The following MTOR variants were observed in gnomAD, a reference collection of about 807,000 sequenced individuals.
MTOR encodes serine/threonine-protein kinase mTOR.
MTOR carries 70 observed loss-of-function variants against 319.8 expected under a neutral mutation model. That is an observed-to-expected ratio of 0.22 (90% CI 0.18 to 0.27). The LOEUF (loss-of-function observed/expected upper bound fraction) is 0.27, where lower values mean the gene tolerates loss of function less well. Ranked by LOEUF, MTOR falls within the 10% of genes least tolerant of loss-of-function variation. The pLI, the probability that MTOR is intolerant of heterozygous loss-of-function variation, is 1.00. For synonymous variants in MTOR, 1,183 were observed against 1,211.4 expected, an observed-to-expected ratio of 0.98 and a Z score of 0.49; for missense variants, 1,890 against 3,274.4, an observed-to-expected ratio of 0.58 and a Z score of 10.32.
chr1:11,195,806 A>G (rs1320985470), intron 28 of MTOR: 1 of 152,516 alleles, frequency 6.6e-6, no homozygotes, highest in African/African-American at 2.4e-5. Flanking sequence ...AAGCTCAAGG[A>G]GCTTCCTTTT....
chr1:11,158,296 C>T (rs1644377786), intron 29 of MTOR, among the ~76,000 whole-genome samples: 1 of 152,124 alleles, frequency 6.6e-6, no homozygotes. Context: ...CTCCCATTAC[C>T]CTCTTCCCCT....
At chr1:11,138,717 G>C (rs1018773702) in intron 36 of MTOR, among the ~76,000 whole-genome samples, 1 of 152,142 alleles carries the variant, frequency 6.6e-6, no homozygotes, top group Admixed American at 6.5e-5. Context: ...AGGGCCTACT[G>C]TTTATTAGTC....
chr1:11,110,732 C>T (rs1225631409), intron 54 of MTOR, among the ~76,000 whole-genome samples: 3 of 151,632 alleles, frequency 2.0e-5, no homozygotes, highest in Non-Finnish European at 4.4e-5. Flanking sequence ...ATTGGAAGTT[C>T]TTTTTTTTGA....
In MTOR at chr1:11,207,382, T is replaced by G. The variant is rs567037158; in HGVS notation, c.3801+1930A>C. 2.7e-5 allele frequency among the ~76,000 whole-genome samples: 4 copies of G among 150,412 alleles called. No homozygotes were observed. In the East Asian group the frequency reaches 7.9e-4, roughly 30 times the overall value. ...TCCCAAAGTGTTGGAATTACAGGCA[T>G]GAGCCACTGCACCTGGCCCCCTACC... On this transcript the variant is annotated intron_variant, in intron 25 of 57. Coordinates refer to ENST00000361445, the MANE Select transcript of MTOR (RefSeq NM_004958.4).
chr1:11,190,481 A>G (rs1645484071), intron 28 of MTOR, among the ~76,000 whole-genome samples: 1 of 152,166 alleles, frequency 6.6e-6, no homozygotes, highest in African/African-American at 2.4e-5. Flanking sequence ...AGAGACACAT[A>G]ACCATGTGAA....
Position 11,126,071 on chromosome 1 carries a change from GAGGCCTCAAAGTGCCACCACAGCACTC to G in MTOR, c.6526+524_6526+550del, listed in dbSNP as rs1272667097. Among the ~76,000 whole-genome samples, 6 of 135,278 alleles carry G rather than the reference GAGGCCTCAAAGTGCCACCACAGCACTC, an allele frequency of 4.4e-5. No homozygotes were observed. The South Asian group carries it at 1.4e-3, about 32-fold the overall frequency. 88.7% of individuals were successfully genotyped at this position (135,278 alleles called of 152,430 possible). A position where few individuals can be genotyped will look rare whatever the true frequency, so the allele number is the denominator to read the frequency against. ...AAAAAAAAAAAAAAAAAAAAAGCGA[GAGGCCTCAAAGTGCCACCACAGCACTC>G]AGGCCTCACTAAAACATCCCCCATA... On this transcript the variant is annotated intron_variant, in intron 46 of 57. Transcript: ENST00000361445.
intron 36 of MTOR, among the ~76,000 whole-genome samples, chr1:11,137,670 T>C (rs193009822): frequency 3.3e-5 from 5 of 152,264 alleles, no homozygotes; most frequent in African/African-American, 9.6e-5. Flanking sequence ...CTAGATTGCA[T>C]GGGTGGGTTT....
At position 11,170,928 on chromosome 1, in the gene MTOR, A is replaced by G. The variant is rs183677267; in HGVS notation, c.4254-3411T>C. Among the ~76,000 whole-genome samples the G allele has an allele frequency of 1.6e-3, 244 of 151,920 alleles. 5 individuals are homozygous for G. Among genetic ancestry groups the G allele is most frequent in the African/African-American group, 5.8e-3 (241 of 41,342 alleles). Reference sequence around the variant, plus strand: ...GTGTTCTTCACCTGAACCAGAAGAAACTAACTCTAAGAAACGACATAAAAA... The same window carrying G: ...GTGTTCTTCACCTGAACCAGAAGAAGCTAACTCTAAGAAACGACATAAAAA... On this transcript the variant is annotated intron_variant, in intron 28 of 57. Transcript: ENST00000361445.
chr1:11,194,702 C>G lies in MTOR; in HGVS notation c.4253+4556G>C, dbSNP rs373848807. ...CGGAAAGGAGAAGTTCAGGTACAAG[C>G]TCATAATCCCACTTGAGGAGAAAGA... On this transcript the variant is annotated intron_variant, in intron 28 of 57. Coordinates refer to ENST00000361445, the MANE Select transcript of MTOR (RefSeq NM_004958.4). The G allele has an allele frequency of 3.1e-6, 5 of 1,611,796 alleles. No individual in the cohort carries two copies. In the African/African-American group the frequency reaches 4.0e-5, roughly 13 times the overall value.
rs149816599 is a variant in MTOR at position 11,228,228 on chromosome 1, G to A, written c.3030+440C>T. Among the ~76,000 whole-genome samples, 135 of 151,768 alleles carry A rather than the reference G, an allele frequency of 8.9e-4. No homozygotes were observed. The East Asian group carries it at 0.02, about 23-fold the overall frequency. On this transcript the variant is annotated intron_variant, in intron 19 of 57. Transcript: ENST00000361445. ...TCTTGAGACAGAGTCTCACTCTGTCGTCCAAGCTGAAGCACGGTGGCTCGA... is the reference window on the plus strand; with the variant it reads ...TCTTGAGACAGAGTCTCACTCTGTCATCCAAGCTGAAGCACGGTGGCTCGA...
At chr1:11,147,563 T>A (rs905810002) in intron 31 of MTOR, among the ~76,000 whole-genome samples, 5 of 152,206 alleles carry the variant, frequency 3.3e-5, no homozygotes, top group Admixed American at 3.3e-4. Context: ...CTCCAGACCA[T>A]CGGCTCATCC....
At chr1:11,141,326 C>T (rs910109564) in intron 34 of MTOR, among the ~76,000 whole-genome samples, 18 of 151,776 alleles carry the variant, frequency 1.2e-4, no homozygotes, top group South Asian at 4.2e-4. Flanking sequence ...TTGCCAAGGC[C>T]GGTCTCAAAC....
intron 36 of MTOR, 26 bp from the exon 37 acceptor site, chr1:11,134,492 G>C: frequency 6.2e-7 from 1 of 1,608,250 alleles, no homozygotes. Context: ...GGCACAGAGA[G>C]CCACTTGGCT....
intron 28 of MTOR, among the ~76,000 whole-genome samples, chr1:11,194,210 A>G (rs1300195682): frequency 6.6e-6 from 1 of 152,198 alleles, no homozygotes; most frequent in Admixed American, 6.5e-5. Context: ...GCACCTTATA[A>G]GCAGGAAAGT....
chr1:11,260,915 G>A (rs1290243976), intron 1 of MTOR, among the ~76,000 whole-genome samples: 2 of 150,588 alleles, frequency 1.3e-5, no homozygotes, highest in East Asian at 2.0e-4. Flanking sequence ...TCAGCTTCCC[G>A]AGTAGCTGGG....
In MTOR at chr1:11,107,120, AG is replaced by A; in HGVS notation, c.*364del. ...AGTTTGCTGTACCCATGTTGAGAGG[AG>A]CAACTAGGTCATTCTTCCATCAGCA... On this transcript the variant is annotated 3_prime_UTR_variant, in exon 58 of 58. Coordinates refer to ENST00000361445, the MANE Select transcript of MTOR (RefSeq NM_004958.4). The A allele has an allele frequency of 2.2e-6, 3 of 1,377,224 alleles. No individual in the cohort carries two copies. The highest frequency in any genetic ancestry group is 2.9e-6 in the Non-Finnish European group (3 of 1,043,438). The allele number at this position is 1,377,224 out of a possible 1,614,324, so 85.3% of individuals were successfully genotyped here. A position where few individuals can be genotyped will look rare whatever the true frequency, so the allele number is the denominator to read the frequency against.
chr1:11,115,344 G>T lies in MTOR; in HGVS notation c.7089+52C>A. ...TCTGCCTACAGTGTCAGAGGAGGGG[G>T]AAAAGTGATCACCCGGGAAGATGAG... On this transcript the variant is annotated intron_variant, in intron 51 of 57. Transcript: ENST00000361445. The surrounding 1 kb of genome is among the most constrained non-coding windows in gnomAD (Gnocchi z 4.5). The T allele has an allele frequency of 6.4e-7, 1 of 1,574,194 alleles. No homozygotes were observed. The highest frequency in any genetic ancestry group is 1.7e-5 in the Admixed American group (1 of 59,920).
At chr1:11,256,821 T>A in intron 4 of MTOR, 112 bp downstream of exon 4, 1 of 1,015,242 alleles carries the variant, frequency 9.8e-7, no homozygotes, top group East Asian at 2.6e-5. Context: ...CCTGGAATCC[T>A]AGCTCTTCTA....
chr1:11,214,593 C>T (rs1214437704), intron 20 of MTOR, among the ~76,000 whole-genome samples: 1 of 152,194 alleles, frequency 6.6e-6, no homozygotes, highest in African/African-American at 2.4e-5. Context: ...ACAAGGATAA[C>T]TCCTCAGATG....
Sources: gnomAD v4.1 joint callset for allele counts (sites outside exome capture counted in the v4.1 genomes callset) on GRCh38, gnomAD v4.1.1 for gene constraint, Gnocchi (gnomAD v3.1) non-coding constraint, MANE v1.5 for transcripts, NCBI Gene and HGNC (gene_info 2026-07-23, HGNC 2026-07-21) for gene names.